Variants in PRKCH observed in about 807,000 individuals in gnomAD.
PRKCH encodes protein kinase C eta, also known as protein kinase C eta type.
PRKCH carries 28 observed loss-of-function variants against 82.5 expected under a neutral mutation model. The ratio of observed to expected loss-of-function variants is 0.34; its 90% CI spans 0.25 to 0.47. The LOEUF (loss-of-function observed/expected upper bound fraction) is 0.47, where lower values mean the gene tolerates loss of function less well. PRKCH is among the 20% of genes least tolerant of loss of function. The pLI, the probability that PRKCH is intolerant of heterozygous loss-of-function variation, is 1.00. For synonymous variants in PRKCH, 322 were observed against 327.4 expected (o/e 0.98, Z 0.18); for missense variants, 705 against 881.8 (o/e 0.80, Z 2.54).
chr14:61,388,412 C>A (rs1214559832), intron 1 of PRKCH, among the ~76,000 whole-genome samples: 2 of 152,162 alleles, frequency 1.3e-5, no homozygotes, highest in African/African-American at 4.8e-5. Flanking sequence ...GGTGGAATCT[C>A]CTGCTGTCTG....
At chr14:61,417,303 C>CGGTCTTTT (rs1421024420) in intron 2 of PRKCH, among the ~76,000 whole-genome samples, 1 of 152,126 alleles carries the variant, frequency 6.6e-6, no homozygotes, top group Non-Finnish European at 1.5e-5. Flanking sequence ...CTCTTTTTGG[C>CGGTCTTTT]GGTCTTTTTT....
At position 61,530,513 on chromosome 14, in the gene PRKCH, A is replaced by T; in HGVS notation, c.1679A>T (p.Asp560Val). 2 of 1,612,484 alleles carry T rather than the reference A, an allele frequency of 1.2e-6. No individual in the cohort carries two copies. Among genetic ancestry groups the T allele is most frequent in the Non-Finnish European group, 1.7e-6 (2 of 1,179,266 alleles). ...GCGCCTTTTGAGGCAGAGAACGAAG[A>T]TGACCTCTTTGAGGCCATACTGAAT... is the stretch of plus-strand genomic sequence containing the variant. Reference protein sequence around the residue: ...GHAPFEAENEDDLFEAILNDE... With the variant: ...GHAPFEAENEVDLFEAILNDE... The change falls in exon 12 of 14, where the codon GAT (aspartate) becomes GTT (valine). Residue 560 changes from aspartate (D) to valine (V), a missense_variant. Transcript: ENST00000332981.
intron 1 of PRKCH, among the ~76,000 whole-genome samples, chr14:61,335,390 A>G (rs1323183911): frequency 2.0e-5 from 3 of 152,324 alleles, no homozygotes; most frequent in African/African-American, 7.2e-5. Context: ...GGACTCATAA[A>G]TATTAATGGA....
At chr14:61,387,802 T>G (rs2046610876) in intron 1 of PRKCH, among the ~76,000 whole-genome samples, 1 of 152,250 alleles carries the variant, frequency 6.6e-6, no homozygotes, top group African/African-American at 2.4e-5. Flanking sequence ...TGCTTTTCCT[T>G]ACTACCTGTA....
intron 2 of PRKCH, among the ~76,000 whole-genome samples, chr14:61,393,540 A>G (rs962223743): frequency 5.9e-5 from 9 of 152,272 alleles, no homozygotes; most frequent in Non-Finnish European, 1.0e-4. Flanking sequence ...TCTTTCTCCT[A>G]TGGGTGGGAA....
chr14:61,216,816 A>T (rs1400064697), intron 1 of PRKCH, among the ~76,000 whole-genome samples: 1 of 152,186 alleles, frequency 6.6e-6, no homozygotes, highest in Non-Finnish European at 1.5e-5. Flanking sequence ...TTTTTAAAAA[A>T]TTATAGTTAA....
At chr14:61,477,578 A>G (rs191050831) in intron 9 of PRKCH, among the ~76,000 whole-genome samples, 1 of 152,266 alleles carries the variant, frequency 6.6e-6, no homozygotes, top group South Asian at 2.1e-4. Flanking sequence ...TTTTTAGTAC[A>G]TAAGGAGGGC....
rs184548035 is a variant in PRKCH at position 61,349,658 on chromosome 14, C to T, written c.363+27194C>T. 1.0e-3 allele frequency among the ~76,000 whole-genome samples: 159 copies of T among 152,152 alleles called. 2 individuals carry two copies. Among genetic ancestry groups the T allele is most frequent in the African/African-American group, 3.4e-3 (143 of 41,486 alleles). On this transcript the variant is annotated intron_variant, in intron 1 of 13. Transcript: ENST00000332981. ...TGGGTGGATTACAAGGTCAGGAGTTCGAGACCAGCCTGGCCAACATGGTGA... is the reference window on the plus strand; with the variant it reads ...TGGGTGGATTACAAGGTCAGGAGTTTGAGACCAGCCTGGCCAACATGGTGA...
Position 61,307,686 on chromosome 14 carries a change from G to GT in PRKCH, c.-19+120025dup, listed in dbSNP as rs145075732. Among the ~76,000 whole-genome samples, 1,076 of 152,062 alleles carry GT rather than the reference G, an allele frequency of 7.1e-3. 42 individuals are homozygous for GT. In the East Asian group the frequency reaches 0.097, roughly 14 times the overall value. On this transcript the variant is annotated intron_variant, in intron 1 of 3. Coordinates refer to the PRKCH transcript ENST00000555185. ...GTCTGGCCCATCTTATTACAATGCTGTTTTTTTGTTTTTTATCATAAAACA... is the reference window on the plus strand; with the variant it reads ...GTCTGGCCCATCTTATTACAATGCTGTTTTTTTTGTTTTTTATCATAAAACA...
chr14:61,405,211 A>C (rs1178434532), intron 2 of PRKCH, among the ~76,000 whole-genome samples: 2 of 152,234 alleles, frequency 1.3e-5, no homozygotes, highest in Non-Finnish European at 2.9e-5. Flanking sequence ...AATAAGCATT[A>C]AAAGTTCAAA....
intron 1 of PRKCH, among the ~76,000 whole-genome samples, chr14:61,337,067 C>CAAA (rs3028726): frequency 5.4e-5 from 3 of 55,084 alleles, no homozygotes; most frequent in African/African-American, 7.8e-5. Flanking sequence ...CAGTCTGTCT[C>CAAA]AAAAAAAAAA....
At chr14:61,202,591 A>G (rs1287648207) in intron 1 of PRKCH, among the ~76,000 whole-genome samples, 1 of 152,124 alleles carries the variant, frequency 6.6e-6, no homozygotes, top group Admixed American at 6.5e-5. Flanking sequence ...GACACAGGTA[A>G]TTGTGGGTTT....
intron 1 of PRKCH, among the ~76,000 whole-genome samples, chr14:61,254,450 C>CA (rs2044978967): frequency 6.6e-6 from 1 of 151,842 alleles, no homozygotes; most frequent in African/African-American, 2.4e-5. Flanking sequence ...TCCATCTCTA[C>CA]AAAAAAATGT....
intron 1 of PRKCH, among the ~76,000 whole-genome samples, chr14:61,218,571 C>G (rs908861470): frequency 6.6e-6 from 1 of 152,100 alleles, no homozygotes; most frequent in African/African-American, 2.4e-5. Context: ...CCACCGCCCC[C>G]CAATTTCAAG....
intron 1 of PRKCH, among the ~76,000 whole-genome samples, chr14:61,249,962 C>A (rs2044927944): frequency 6.7e-6 from 1 of 149,924 alleles, no homozygotes; most frequent in African/African-American, 2.4e-5. Flanking sequence ...CTTATGTCCA[C>A]AAAAAAAATC....
intron 1 of PRKCH, among the ~76,000 whole-genome samples, chr14:61,265,113 A>T (rs144281534): frequency 6.6e-6 from 1 of 152,166 alleles, no homozygotes; most frequent in African/African-American, 2.4e-5. Flanking sequence ...ACCTTTTTCA[A>T]ATTCTCAGTG....
intron 2 of PRKCH, among the ~76,000 whole-genome samples, chr14:61,433,103 G>A (rs945404073): frequency 2.7e-5 from 4 of 149,876 alleles, no homozygotes; most frequent in Admixed American, 2.6e-4. Flanking sequence ...TCTCACCTTG[G>A]TTTTGTGATA....
intron 10 of PRKCH, among the ~76,000 whole-genome samples, chr14:61,511,732 T>C (rs1887386076): frequency 6.6e-6 from 1 of 152,230 alleles, no homozygotes; most frequent in African/African-American, 2.4e-5. Flanking sequence ...TGCTGCTTCC[T>C]GGCGCTTGTG....
At chr14:61,536,419 C>A (rs547584527) in intron 12 of PRKCH, among the ~76,000 whole-genome samples, 6 of 152,248 alleles carry the variant, frequency 3.9e-5, no homozygotes, top group African/African-American at 1.4e-4. Flanking sequence ...TCCCGGCCTG[C>A]TGGATCTGCC....
Sources: allele counts gnomAD v4.1 joint callset (sites outside exome capture counted in the v4.1 genomes callset), GRCh38; gene constraint gnomAD v4.1.1; transcripts MANE v1.5; gene names NCBI Gene and HGNC (gene_info 2026-07-23, HGNC 2026-07-21).